Variants in INSC observed in about 807,000 individuals in gnomAD.
INSC encodes the protein INSC spindle orientation adaptor protein, also known as protein inscuteable homolog.
A neutral mutation model predicts 58.6 loss-of-function variants in INSC; 67 were observed. The ratio of observed to expected loss-of-function variants is 1.14; its 90% CI spans 0.94 to 1.40. The LOEUF is 1.40. Ranked by LOEUF, INSC falls within the 40% of genes most tolerant of loss-of-function variation. The probability of loss-of-function intolerance (pLI) is 0.00; values close to 1 mark genes in which losing one functional copy is unlikely to be tolerated. For missense variants in INSC, 714 were observed against 692.0 expected (o/e 1.03, Z -0.36); for synonymous variants, 262 against 276.1 (o/e 0.95, Z 0.51).
At chr11:15,181,088 A>T (rs541326703) in intron 5 of INSC, among the ~76,000 whole-genome samples, 1 of 152,186 alleles carries the variant, frequency 6.6e-6, no homozygotes, top group Non-Finnish European at 1.5e-5. Flanking sequence ...TTTACATCAA[A>T]ATTTGTCTTA....
At chr11:15,114,427 G>A (rs1318697507), upstream of INSC, among the ~76,000 whole-genome samples, 4 of 152,288 alleles carry the variant, frequency 2.6e-5, no homozygotes, top group Admixed American at 6.5e-5. Flanking sequence ...GGCGTTTGGG[G>A]TCTATCAAAG....
intron 2 of INSC, among the ~76,000 whole-genome samples, chr11:15,170,144 G>A (rs952254490): frequency 6.6e-6 from 1 of 152,128 alleles, no homozygotes; most frequent in Non-Finnish European, 1.5e-5. Context: ...TGTTTTTTGT[G>A]TGTGACATTT....
intron 7 of INSC, among the ~76,000 whole-genome samples, chr11:15,208,443 T>A (rs973919331): frequency 6.6e-6 from 1 of 152,214 alleles, no homozygotes; most frequent in Admixed American, 6.5e-5. Context: ...GGCCCATGAT[T>A]GAGCCTTCTC....
upstream of INSC, among the ~76,000 whole-genome samples, chr11:15,111,463 G>C (rs1450367927): frequency 6.6e-6 from 1 of 152,180 alleles, no homozygotes. Context: ...TCTGGGATAG[G>C]CCATCTGGAC....
chr11:15,118,510 G>A (rs1847790307), intron 1 of INSC, among the ~76,000 whole-genome samples: 2 of 152,136 alleles, frequency 1.3e-5, no homozygotes, highest in South Asian at 4.1e-4. Context: ...CCAAGCTGGT[G>A]GCCATTGCCT....
chr11:15,186,996 T>A (rs1309585713), intron 5 of INSC, among the ~76,000 whole-genome samples: 1 of 152,218 alleles, frequency 6.6e-6, no homozygotes, highest in Non-Finnish European at 1.5e-5. Context: ...GGTATTCAGC[T>A]GGCAGATGGC....
At chr11:15,127,645 A>C (rs538341914) in intron 1 of INSC, among the ~76,000 whole-genome samples, 1 of 152,282 alleles carries the variant, frequency 6.6e-6, no homozygotes, top group African/African-American at 2.4e-5. Flanking sequence ...ATACTCCCTC[A>C]TTGCGTTCCA....
At chr11:15,245,203 G>A (rs2133988749) in intron 12 of INSC, among the ~76,000 whole-genome samples, 1 of 152,212 alleles carries the variant, frequency 6.6e-6, no homozygotes, top group East Asian at 1.9e-4. Context: ...AGGGAGGGAT[G>A]GACTGTCTCT....
intron 7 of INSC, among the ~76,000 whole-genome samples, chr11:15,207,028 C>G (rs1039893138): frequency 6.6e-6 from 1 of 152,118 alleles, no homozygotes; most frequent in Non-Finnish European, 1.5e-5. Flanking sequence ...GGTCAGGGCA[C>G]TGCTGGTTCA....
chr11:15,141,514 C>G (rs753939708), intron 1 of INSC, among the ~76,000 whole-genome samples: 4 of 152,190 alleles, frequency 2.6e-5, no homozygotes, highest in Non-Finnish European at 5.9e-5. Context: ...TGACACCTGA[C>G]AGCTGTGAGG....
chr11:15,230,013 A>ATTATATATATATATATTAT (rs1491490993), intron 9 of INSC, among the ~76,000 whole-genome samples: 1 of 23,880 alleles, frequency 4.2e-5, no homozygotes, highest in African/African-American at 1.7e-4. Context: ...ATATATATAT[A>ATTATATATATATATATTAT]ATATATATAT....
chr11:15,190,733 T>TA lies in INSC; in HGVS notation c.613dup (p.Ile205AsnfsTer92). On this transcript the variant is annotated frameshift_variant, in exon 6 of 13. Coordinates refer to ENST00000379556, the MANE Select transcript of INSC (RefSeq NM_001042536.3). LOFTEE classifies it high-confidence loss of function. ...TGAGAAAAATTGATGCCTCAGACAA[T>TA]ATCTACACCACAGAGTCCACCACAG... 1 of 1,612,558 alleles carries TA rather than the reference T, an allele frequency of 6.2e-7. No homozygotes were observed. The highest frequency in any genetic ancestry group is 8.5e-7 in the Non-Finnish European group (1 of 1,179,406).
chr11:15,180,684 A>AGGGGGGGGG (rs375510258), intron 5 of INSC, among the ~76,000 whole-genome samples: 2 of 39,948 alleles, frequency 5.0e-5, no homozygotes, highest in Non-Finnish European at 8.4e-5. Flanking sequence ...GGTAGGAGTG[A>AGGGGGGGGG]GGGGGGGGGC....
At chr11:15,264,888 A>G in the INSC span, among the ~76,000 whole-genome samples, 1 of 152,242 alleles carries the variant, frequency 6.6e-6, no homozygotes, top group South Asian at 2.1e-4. Context: ...TCTGCTGACC[A>G]CAAACTAACA....
At chr11:15,177,531 A>G (rs1231347284) in intron 4 of INSC, among the ~76,000 whole-genome samples, 1 of 152,178 alleles carries the variant, frequency 6.6e-6, no homozygotes, top group African/African-American at 2.4e-5. Flanking sequence ...ACGCACATAC[A>G]CATAGACTTC....
intron 8 of INSC, among the ~76,000 whole-genome samples, chr11:15,225,262 A>G (rs948126064): frequency 2.6e-5 from 4 of 152,172 alleles, no homozygotes; most frequent in African/African-American, 9.7e-5. Flanking sequence ...CCTCATATTT[A>G]TCAGACTTTG....
chr11:15,114,708 T>C (rs1157421990), upstream of INSC, among the ~76,000 whole-genome samples: 2 of 152,144 alleles, frequency 1.3e-5, no homozygotes, highest in Non-Finnish European at 2.9e-5. Flanking sequence ...GAGGGCCATG[T>C]TTCCCCCCCC....
chr11:15,217,239 C>T (rs182155715), intron 7 of INSC, among the ~76,000 whole-genome samples: 56 of 152,182 alleles, frequency 3.7e-4, no homozygotes, highest in East Asian at 9.7e-4. Flanking sequence ...CAGAGCAAAG[C>T]GGAGGGGAAG....
At chr11:15,256,256 G>A in the INSC span, among the ~76,000 whole-genome samples, 1 of 152,330 alleles carries the variant, frequency 6.6e-6, no homozygotes, top group South Asian at 2.1e-4. Context: ...AACAAGGGTA[G>A]GGGAAGGGAC....
Sources: allele counts gnomAD v4.1 joint callset (sites outside exome capture counted in the v4.1 genomes callset), GRCh38; gene constraint gnomAD v4.1.1; transcripts MANE v1.5; gene names NCBI Gene and HGNC (gene_info 2026-07-23, HGNC 2026-07-21).